TENM3: variants seen among roughly 807,000 people sequenced by gnomAD.
TENM3 encodes teneurin transmembrane protein 3.
TENM3 carries 63 observed loss-of-function variants against 255.1 expected under a neutral mutation model. The observed-to-expected ratio is 0.25, with a 90% confidence interval of 0.20 to 0.30. The LOEUF is 0.30. TENM3 is among the 10% of genes least tolerant of loss of function. The probability of loss-of-function intolerance (pLI) is 1.00; values close to 1 mark genes in which losing one functional copy is unlikely to be tolerated. For missense variants in TENM3, 2,929 were observed against 3,461.1 expected (o/e 0.85, Z 3.86); for synonymous variants, 1,306 against 1,322.3 (o/e 0.99, Z 0.27).
intron 1 of TENM3, among the ~76,000 whole-genome samples, chr4:182,169,596 T>G (rs1014829689): frequency 2.6e-5 from 4 of 152,172 alleles, no homozygotes; most frequent in Admixed American, 2.6e-4. Flanking sequence ...TTTCCAGTAA[T>G]AATGAGAAAC....
At chr4:182,351,730 G>C (rs1765194047) in intron 3 of TENM3, among the ~76,000 whole-genome samples, 1 of 152,142 alleles carries the variant, frequency 6.6e-6, no homozygotes, top group African/African-American at 2.4e-5. Context: ...GTGATGCCCG[G>C]AGGCGGGACT....
intron 1 of TENM3, among the ~76,000 whole-genome samples, chr4:182,162,354 CA>C (rs1372831145): frequency 2.0e-5 from 3 of 151,950 alleles, no homozygotes; most frequent in African/African-American, 7.3e-5. Context: ...GAAAGGGGTA[CA>C]AAAATAGAAG....
chr4:181,674,946 C>T, the TENM3 span, among the ~76,000 whole-genome samples: 9 of 152,034 alleles, frequency 5.9e-5, no homozygotes, highest in African/African-American at 1.9e-4. Flanking sequence ...GGCTGTATAC[C>T]CTTAGCACTG....
the TENM3 span, among the ~76,000 whole-genome samples, chr4:181,995,753 G>A: frequency 2.6e-5 from 4 of 152,208 alleles, no homozygotes; most frequent in African/African-American, 7.2e-5. Flanking sequence ...CTATGAGACA[G>A]ATACCATAAT....
the TENM3 span, among the ~76,000 whole-genome samples, chr4:181,464,979 A>G: frequency 1.3e-5 from 2 of 152,142 alleles, no homozygotes; most frequent in Non-Finnish European, 2.9e-5. Flanking sequence ...AGTCCAATTT[A>G]TCTATTTTTT....
chr4:181,616,270 G>A, the TENM3 span, among the ~76,000 whole-genome samples: 1 of 92,730 alleles, frequency 1.1e-5, no homozygotes, highest in African/African-American at 4.2e-5. Context: ...CCCTGTATTA[G>A]TAAAGGTTTC....
In TENM3 at chr4:182,789,840, G is replaced by C. The variant is rs917958284; in HGVS notation, c.5601+451G>C. Among the ~76,000 whole-genome samples, 1 of 152,104 alleles carries C rather than the reference G, an allele frequency of 6.6e-6. No individual in the cohort carries two copies. The highest frequency in any genetic ancestry group is 1.9e-4 in the East Asian group (1 of 5,190). On this transcript the variant is annotated intron_variant, in intron 25 of 27. Transcript: ENST00000511685. This position sits in a 1 kb window ranked among gnomAD's most constrained non-coding sequence, Gnocchi z 4.4. ...TAAAAAGCATGTAGATCCTAGTTACGCATTATTAACCAAAAGAGGCGATTT... is the reference window on the plus strand; with the variant it reads ...TAAAAAGCATGTAGATCCTAGTTACCCATTATTAACCAAAAGAGGCGATTT...
chr4:181,819,647 C>T, the TENM3 span, among the ~76,000 whole-genome samples: 73 of 152,192 alleles, frequency 4.8e-4, no homozygotes, highest in Non-Finnish European at 7.9e-4. Flanking sequence ...GAAACTGTTG[C>T]ACCTCCGATC....
intron 3 of TENM3, among the ~76,000 whole-genome samples, chr4:182,356,108 A>G (rs1015631741): frequency 6.6e-6 from 1 of 151,752 alleles, no homozygotes; most frequent in Non-Finnish European, 1.5e-5. Context: ...GCACCAATAA[A>G]AGAAACGAAG....
chr4:181,710,833 G>T, the TENM3 span, among the ~76,000 whole-genome samples: 2 of 149,292 alleles, frequency 1.3e-5, no homozygotes, highest in Non-Finnish European at 3.0e-5. Flanking sequence ...ACAGGCATGA[G>T]CCACCGCGCC....
At chr4:181,552,866 T>C in the TENM3 span, among the ~76,000 whole-genome samples, 2 of 152,192 alleles carry the variant, frequency 1.3e-5, no homozygotes, top group Non-Finnish European at 2.9e-5. Context: ...TTACAAGAAG[T>C]TTGCTAATTC....
Position 182,254,882 on chromosome 4 carries a change from GCAAAAAA to G in TENM3, c.-76+11422_-76+11428del, listed in dbSNP as rs566962568. On this transcript the variant is annotated intron_variant, in intron 1 of 27. Transcript: ENST00000511685. Reference sequence around the variant, plus strand: ...AATAAGAGCTAGGCTGTTACAGTCAGCAAAAAACAAAAAACAAAAAACCCAAACCAGT... The same window carrying G: ...AATAAGAGCTAGGCTGTTACAGTCAGCAAAAAACAAAAAACCCAAACCAGT... Among the ~76,000 whole-genome samples the G allele has an allele frequency of 2.5e-3, 379 of 152,148 alleles. 2 individuals carry two copies. Among genetic ancestry groups the G allele is most frequent in the African/African-American group, 8.7e-3 (360 of 41,526 alleles).
chr4:182,683,952 G>A lies in TENM3; in HGVS notation c.2035+1938G>A, dbSNP rs188206081. On this transcript the variant is annotated intron_variant, in intron 11 of 27. Coordinates refer to ENST00000511685, the MANE Select transcript of TENM3 (RefSeq NM_001080477.4). ...ATAGAGACGTGTGTTGAGAAGAGCT[G>A]TAAGAATGAAGCAAGGAAAATTGGT... Among the ~76,000 whole-genome samples, 7 of 152,044 alleles carry A rather than the reference G, an allele frequency of 4.6e-5. No homozygotes were observed. In the East Asian group the frequency reaches 9.8e-4, roughly 21 times the overall value.
intron 3 of TENM3, among the ~76,000 whole-genome samples, chr4:182,414,956 A>G (rs1770260777): frequency 6.6e-6 from 1 of 152,210 alleles, no homozygotes; most frequent in Non-Finnish European, 1.5e-5. Flanking sequence ...TCAGCTCTTC[A>G]GTTGATTTCA....
At chr4:182,296,799 A>T (rs1188817911) in intron 1 of TENM3, among the ~76,000 whole-genome samples, 1 of 152,198 alleles carries the variant, frequency 6.6e-6, no homozygotes, top group East Asian at 1.9e-4. Context: ...GGAGTTCTGG[A>T]AACAAAGATC....
At chr4:181,752,113 G>A in the TENM3 span, among the ~76,000 whole-genome samples, 1 of 152,086 alleles carries the variant, frequency 6.6e-6, no homozygotes, top group Non-Finnish European at 1.5e-5. Context: ...TTTTATAAAG[G>A]CCATTGCTTT....
At chr4:181,605,584 G>GAGAGAGAGAGA in the TENM3 span, among the ~76,000 whole-genome samples, 14 of 69,142 alleles carry the variant, frequency 2.0e-4, 2 homozygotes, top group African/African-American at 6.3e-4. Context: ...GAGAAAGAAA[G>GAGAGAGAGAGA]GAAAGAAAGA....
intron 3 of TENM3, among the ~76,000 whole-genome samples, chr4:182,452,656 T>G (rs1315742457): frequency 6.6e-6 from 1 of 152,240 alleles, no homozygotes; most frequent in Non-Finnish European, 1.5e-5. Context: ...TGATAAGTGC[T>G]ATTTTGGCTA....
chr4:182,527,808 A>G (rs144989399), intron 3 of TENM3, among the ~76,000 whole-genome samples: 177 of 152,192 alleles, frequency 1.2e-3, no homozygotes, highest in African/African-American at 3.9e-3. Context: ...GCTCACTGCA[A>G]CCTCTGCCTC....
Sources: gnomAD v4.1 joint callset for allele counts (sites outside exome capture counted in the v4.1 genomes callset) on GRCh38, gnomAD v4.1.1 for gene constraint, Gnocchi (gnomAD v3.1) non-coding constraint, MANE v1.5 for transcripts, NCBI Gene and HGNC (gene_info 2026-07-23, HGNC 2026-07-21) for gene names.